Variants in WDR59 observed in about 807,000 individuals in gnomAD.
The protein encoded by WDR59 is WD repeat domain 59, also known as GATOR2 complex protein WDR59.
Under a neutral mutation model 131.2 loss-of-function variants are expected in WDR59, and 100 were observed. The ratio of observed to expected loss-of-function variants is 0.76; its 90% CI spans 0.65 to 0.90. WDR59 has a LOEUF of 0.90. WDR59 is among the 40% of genes least tolerant of loss of function. WDR59 has a pLI of 0.00. For synonymous variants in WDR59, 601 were observed against 466.2 expected (o/e 1.29, Z -3.72); for missense variants, 1,203 against 1,262.2 (o/e 0.95, Z 0.71).
At chr16:74,963,385 T>C (rs1189702148) in intron 2 of WDR59, 1 of 152,198 alleles carries the variant, frequency 6.6e-6, no homozygotes, top group Non-Finnish European at 1.5e-5. Flanking sequence ...GTGGTACATA[T>C]ACATCATGGA....
intron 25 of WDR59, among the ~76,000 whole-genome samples, chr16:74,876,613 C>A (rs1964226017): frequency 6.6e-6 from 1 of 152,080 alleles, no homozygotes; most frequent in South Asian, 2.1e-4. Flanking sequence ...AACTTTAAGA[C>A]CCTGAACTAA....
intron 1 of WDR59, among the ~76,000 whole-genome samples, chr16:74,974,565 C>T (rs1471165140): frequency 6.6e-6 from 1 of 152,136 alleles, no homozygotes; most frequent in African/African-American, 2.4e-5. Flanking sequence ...GCAAGGGTGG[C>T]TCTTGGCTGC....
intron 18 of WDR59, chr16:74,899,653 A>C: frequency 3.4e-5 from 43 of 1,274,464 alleles, no homozygotes; most frequent in Non-Finnish European, 3.9e-5. Flanking sequence ...GGCCTCGGGT[A>C]GAGACAGGAT....
chr16:74,906,419 T>C (rs1462174211), intron 17 of WDR59, among the ~76,000 whole-genome samples: 1 of 151,598 alleles, frequency 6.6e-6, no homozygotes, highest in Non-Finnish European at 1.5e-5. Context: ...GAGCAACCAG[T>C]GCTCTGAAAC....
intron 7 of WDR59, among the ~76,000 whole-genome samples, chr16:74,940,323 G>A (rs568194323): frequency 2.5e-4 from 37 of 150,878 alleles, no homozygotes; most frequent in African/African-American, 8.8e-4. Context: ...AGGTTGCAGT[G>A]AGCCAAGAAT....
intron 2 of WDR59, chr16:74,959,440 T>C: frequency 2.5e-6 from 1 of 405,054 alleles, no homozygotes; most frequent in Non-Finnish European, 4.8e-6. Flanking sequence ...GGAGGAAACC[T>C]GAAGGATAGG....
At chr16:74,960,508 G>A (rs1028902825) in intron 2 of WDR59, among the ~76,000 whole-genome samples, 2 of 151,980 alleles carry the variant, frequency 1.3e-5, no homozygotes, top group Non-Finnish European at 2.9e-5. Flanking sequence ...ACTTTGGGAG[G>A]CTGAGGTGGG....
Position 74,903,906 on chromosome 16 carries a change from G to T in WDR59, c.1866+41C>A. The T allele has an allele frequency of 3.2e-6, 5 of 1,577,504 alleles. No individual in the cohort carries two copies. In the South Asian group the frequency reaches 4.6e-5, roughly 15 times the overall value. On this transcript the variant is annotated intron_variant, in intron 18 of 25. Transcript: ENST00000262144. ...CAGGAGATGAGGAACAAGAATCCAGGAGAAGGGGTAAGAATCAAAGGCTAC... is the reference window on the plus strand; with the variant it reads ...CAGGAGATGAGGAACAAGAATCCAGTAGAAGGGGTAAGAATCAAAGGCTAC...
At chr16:74,967,843 G>T (rs2033834552) in intron 1 of WDR59, among the ~76,000 whole-genome samples, 1 of 127,214 alleles carries the variant, frequency 7.9e-6, no homozygotes, top group South Asian at 2.7e-4. Context: ...GGGCAATAAA[G>T]CGAGACTCGG....
At chr16:74,949,647 A>T in intron 5 of WDR59, 71 bp downstream of exon 5, 1 of 1,390,654 alleles carries the variant, frequency 7.2e-7, no homozygotes. Context: ...CCAAACTAAG[A>T]CACTTGATCT....
chr16:74,948,063 T>A (rs1341370474), intron 6 of WDR59, among the ~76,000 whole-genome samples: 3 of 152,054 alleles, frequency 2.0e-5, no homozygotes, highest in Non-Finnish European at 2.9e-5. Context: ...AGAGCAAGAC[T>A]CTGTCTCAGA....
At chr16:74,907,051 A>G (rs1192985068) in intron 17 of WDR59, among the ~76,000 whole-genome samples, 1 of 152,172 alleles carries the variant, frequency 6.6e-6, no homozygotes, top group Non-Finnish European at 1.5e-5. Context: ...TTGAGAATAC[A>G]GGACTGTTTT....
intron 10 of WDR59, among the ~76,000 whole-genome samples, chr16:74,919,210 G>A (rs1424115): frequency 0.99 from 151,444 of 152,284 alleles, 75,314 homozygotes; most frequent in Middle Eastern, 1. Context: ...CCAACTGGCT[G>A]ATTCTACGCC....
At chr16:74,967,025 C>G (rs1376827314) in intron 1 of WDR59, among the ~76,000 whole-genome samples, 1 of 152,184 alleles carries the variant, frequency 6.6e-6, no homozygotes, top group Admixed American at 6.6e-5. Context: ...ATTAAATGCT[C>G]TAAGTTCTCT....
At chr16:74,957,397 T>C (rs1034415746) in intron 2 of WDR59, among the ~76,000 whole-genome samples, 2 of 152,074 alleles carry the variant, frequency 1.3e-5, no homozygotes, top group Admixed American at 1.3e-4. Flanking sequence ...AATATCTCTG[T>C]ATGCTTCACA....
chr16:74,973,681 G>C lies in WDR59; in HGVS notation c.55-7859C>G, dbSNP rs547421353. Among the ~76,000 whole-genome samples the C allele has an allele frequency of 5.9e-5, 9 of 152,324 alleles. 1 individual carries two copies. Among genetic ancestry groups the C allele is most frequent in the African/African-American group, 2.2e-4 (9 of 41,592 alleles). On this transcript the variant is annotated intron_variant, in intron 1 of 25. Transcript: ENST00000262144. ...GCTCAGCAATAGGGGTGTTGCTCAG[G>C]AAGTCTTCTCTTTTAAATGAGAACA...
chr16:74,962,260 T>C (rs2033597494), intron 2 of WDR59, among the ~76,000 whole-genome samples: 2 of 152,178 alleles, frequency 1.3e-5, no homozygotes, highest in South Asian at 4.1e-4. Context: ...TAGGATTGTC[T>C]TGGCTATACA....
At chr16:74,980,121 A>C (rs975140624) in intron 1 of WDR59, among the ~76,000 whole-genome samples, 9 of 151,664 alleles carry the variant, frequency 5.9e-5, no homozygotes, top group Non-Finnish European at 1.0e-4. Flanking sequence ...GGCCTCCCAA[A>C]GTGCTGGAGT....
At chr16:74,912,423 G>T (rs1361800811) in intron 13 of WDR59, 61 bp from the exon 14 acceptor site, 2 of 1,557,514 alleles carry the variant, frequency 1.3e-6, no homozygotes, top group African/African-American at 1.4e-5. Context: ...TTCGATGCAA[G>T]CACATTTAAC....
Sources: gnomAD v4.1 joint callset for allele counts (sites outside exome capture counted in the v4.1 genomes callset) on GRCh38, gnomAD v4.1.1 for gene constraint, MANE v1.5 for transcripts, NCBI Gene and HGNC (gene_info 2026-07-23, HGNC 2026-07-21) for gene names.